FAF1: variants seen among roughly 807,000 people sequenced by gnomAD.
The protein encoded by FAF1 is FAS-associated factor 1.
Under a neutral mutation model 92.5 loss-of-function variants are expected in FAF1, and 25 were observed. The observed-to-expected ratio is 0.27, with a 90% CI of 0.20 to 0.38. The LOEUF (loss-of-function observed/expected upper bound fraction) is 0.38. Ranked by LOEUF, FAF1 falls within the 10% of genes least tolerant of loss-of-function variation. The probability of loss-of-function intolerance (pLI) is 1.00; values close to 1 mark genes in which losing one functional copy is unlikely to be tolerated. For synonymous variants in FAF1, 234 were observed against 273.2 expected, an observed-to-expected ratio of 0.86 and a Z score of 1.42; for missense variants, 636 against 793.3, an observed-to-expected ratio of 0.80 and a Z score of 2.38.
chr1:50,641,706 T>C (rs1217924620), intron 8 of FAF1, among the ~76,000 whole-genome samples: 2 of 152,126 alleles, frequency 1.3e-5, no homozygotes, highest in Non-Finnish European at 2.9e-5. Context: ...AGTTGATTAA[T>C]CATGTTGGCC....
intron 4 of FAF1, among the ~76,000 whole-genome samples, chr1:50,776,747 C>A (rs1409926862): frequency 1.3e-5 from 2 of 151,884 alleles, no homozygotes; most frequent in African/African-American, 4.8e-5. Flanking sequence ...GAATTTGCCC[C>A]CTTGGATAAT....
intron 2 of FAF1, among the ~76,000 whole-genome samples, chr1:50,822,357 A>G (rs911503047): frequency 2.0e-5 from 3 of 152,208 alleles, no homozygotes; most frequent in Non-Finnish European, 4.4e-5. Context: ...ACCTTAAACA[A>G]TTCACCTCTT....
intron 18 of FAF1, among the ~76,000 whole-genome samples, chr1:50,475,257 A>G (rs1171503668): frequency 6.6e-6 from 1 of 152,198 alleles, no homozygotes; most frequent in African/African-American, 2.4e-5. Context: ...AATTTCTTAC[A>G]TAGGCTACTG....
At chr1:50,612,496 T>C (rs1396226460) in intron 8 of FAF1, 61 of 1,062,038 alleles carry the variant, frequency 5.7e-5, no homozygotes, top group Non-Finnish European at 6.9e-5. Context: ...GCCTGCTTTG[T>C]ATGCATGAAG....
In FAF1 at chr1:50,809,146, G is replaced by A. The variant is rs141384042; in HGVS notation, c.115-7469C>T. 3.0e-3 allele frequency among the ~76,000 whole-genome samples: 457 copies of A among 152,078 alleles called. 1 individual carries two copies. The highest frequency in any genetic ancestry group is 6.5e-3 in the Admixed American group (99 of 15,274). On this transcript the variant is annotated intron_variant, in intron 2 of 18. Transcript: ENST00000396153. ...CAATGTTAGGAGAAAAGTTTATAGC[G>A]CTGAACACCCACAGCAAAAAGTTAG... is the stretch of plus-strand genomic sequence containing the variant.
intron 2 of FAF1, among the ~76,000 whole-genome samples, chr1:50,813,765 T>C (rs1212675332): frequency 2.6e-5 from 4 of 151,984 alleles, no homozygotes; most frequent in Admixed American, 1.3e-4. Context: ...CACTGTATTG[T>C]CGGCATCTCT....
chr1:50,844,367 G>A (rs1224934153), intron 2 of FAF1, among the ~76,000 whole-genome samples: 4 of 152,054 alleles, frequency 2.6e-5, no homozygotes, highest in Non-Finnish European at 5.9e-5. Flanking sequence ...AACAAACATG[G>A]CTACAGGGAG....
At chr1:50,742,380 T>C (rs999715429) in intron 5 of FAF1, among the ~76,000 whole-genome samples, 1 of 121,562 alleles carries the variant, frequency 8.2e-6, no homozygotes, top group Admixed American at 8.7e-5. Context: ...TGTTCAAATT[T>C]GGGAGGGGGG....
chr1:50,802,604 T>C (rs1482697938), intron 2 of FAF1, among the ~76,000 whole-genome samples: 1 of 152,214 alleles, frequency 6.6e-6, no homozygotes, highest in African/African-American at 2.4e-5. Context: ...ATGTATGTTT[T>C]TGAAGGCTAT....
Position 50,902,732 on chromosome 1 carries a change from A to G in FAF1, c.46-44735T>C, listed in dbSNP as rs897202086. 3.9e-5 allele frequency among the ~76,000 whole-genome samples: 6 copies of G among 152,286 alleles called. No individual in the cohort carries two copies. The East Asian group carries it at 1.2e-3, about 29-fold the overall frequency. ...CACATCCTCCAGTATACTTTAAATC[A>G]TCTCTAGATTACTGATAATACCTAA... On this transcript the variant is annotated intron_variant, in intron 1 of 18. Transcript: ENST00000396153.
intron 2 of FAF1, among the ~76,000 whole-genome samples, chr1:50,841,404 C>A (rs1022062747): frequency 6.6e-6 from 1 of 151,920 alleles, no homozygotes; most frequent in Admixed American, 6.6e-5. Context: ...AGGAAACATA[C>A]CAAAGTGCCA....
chr1:50,491,266 C>T (rs1431812233), intron 16 of FAF1, among the ~76,000 whole-genome samples: 1 of 152,220 alleles, frequency 6.6e-6, no homozygotes, highest in Admixed American at 6.5e-5. Flanking sequence ...TATGTTACAG[C>T]TACTTGTGTT....
Position 50,460,029 on chromosome 1 carries a change from T to C in FAF1, c.1869+15435A>G, listed in dbSNP as rs189554441. ...GCACTATGCATAGAATATACTCATT[T>C]TTCCATGTATAGTTCTTCATAGAAG... On this transcript the variant is annotated intron_variant, in intron 18 of 18. Transcript: ENST00000396153. Among the ~76,000 whole-genome samples, 17 of 152,368 alleles carry C rather than the reference T, an allele frequency of 1.1e-4. No individual in the cohort carries two copies. The East Asian group carries it at 3.3e-3, about 29-fold the overall frequency.
At chr1:50,600,242 T>G (rs1345542091) in intron 8 of FAF1, among the ~76,000 whole-genome samples, 1 of 152,190 alleles carries the variant, frequency 6.6e-6, no homozygotes, top group Non-Finnish European at 1.5e-5. Flanking sequence ...GTTCAGTGGT[T>G]ATATTAATAT....
At chr1:50,700,209 G>A (rs2124413599) in intron 7 of FAF1, among the ~76,000 whole-genome samples, 2 of 146,286 alleles carry the variant, frequency 1.4e-5, no homozygotes, top group South Asian at 4.3e-4. Context: ...TTGCTACAGA[G>A]CAAGCGAGGA....
intron 15 of FAF1, among the ~76,000 whole-genome samples, chr1:50,497,097 A>G (rs910823543): frequency 1.3e-5 from 2 of 152,016 alleles, no homozygotes; most frequent in African/African-American, 4.8e-5. Flanking sequence ...AAGAAACTAC[A>G]CCAAGGCACA....
intron 1 of FAF1, among the ~76,000 whole-genome samples, chr1:50,883,504 T>C (rs1286352068): frequency 1.3e-5 from 2 of 152,166 alleles, no homozygotes; most frequent in African/African-American, 4.8e-5. Flanking sequence ...ATCAAGCCTC[T>C]AGACTTAAAG....
At chr1:50,485,118 T>C (rs1400083446) in intron 17 of FAF1, among the ~76,000 whole-genome samples, 1 of 151,430 alleles carries the variant, frequency 6.6e-6, no homozygotes, top group Admixed American at 6.6e-5. Context: ...AAAAAGAAAT[T>C]ATTATTATTA....
intron 7 of FAF1, among the ~76,000 whole-genome samples, chr1:50,658,490 A>T (rs1035531106): frequency 3.9e-5 from 6 of 152,192 alleles, no homozygotes; most frequent in Non-Finnish European, 7.4e-5. Flanking sequence ...TCATTAACTC[A>T]TCTGTAACTG....
Sources: gnomAD v4.1 joint callset for allele counts (sites outside exome capture counted in the v4.1 genomes callset) on GRCh38, gnomAD v4.1.1 for gene constraint, MANE v1.5 for transcripts, NCBI Gene and HGNC (gene_info 2026-07-23, HGNC 2026-07-21) for gene names.